The following CCDC150 variants were observed in gnomAD, a reference collection of about 807,000 sequenced individuals.
CCDC150 encodes coiled-coil domain-containing protein 150.
In CCDC150, 151 loss-of-function variants were observed where a neutral mutation model predicts 156.5. That is an observed-to-expected ratio of 0.97 (90% CI 0.85 to 1.10). The LOEUF (loss-of-function observed/expected upper bound fraction) is 1.10. CCDC150 is among the 50% of genes least tolerant of loss of function. The pLI, the probability that CCDC150 is intolerant of heterozygous loss-of-function variation, is 0.00. For missense variants in CCDC150, 1,312 were observed against 1,268.1 expected (o/e 1.03, Z -0.53); for synonymous variants, 452 against 429.4 (o/e 1.05, Z -0.65).
chr2:196,682,881 T>TTC (rs1338064590), intron 13 of CCDC150, among the ~76,000 whole-genome samples: 1 of 152,044 alleles, frequency 6.6e-6, no homozygotes, highest in African/African-American at 2.4e-5. Context: ...ATAGAGATAG[T>TTC]TATTTTTTGT....
chr2:196,659,222 T>G (rs1487344161), intron 5 of CCDC150, among the ~76,000 whole-genome samples: 2 of 152,220 alleles, frequency 1.3e-5, no homozygotes, highest in Non-Finnish European at 2.9e-5. Flanking sequence ...TCTGTTCATC[T>G]AATTTTACCT....
intron 6 of CCDC150, 77 bp from the exon 7 acceptor site, chr2:196,666,642 C>A: frequency 1.6e-6 from 2 of 1,227,464 alleles, no homozygotes; most frequent in Non-Finnish European, 2.3e-6. Flanking sequence ...TGGAATGTTG[C>A]CTTATACATG....
chr2:196,665,790 A>G, intron 6 of CCDC150, 107 bp downstream of exon 6: 1 of 592,166 alleles, frequency 1.7e-6, no homozygotes, highest in Non-Finnish European at 2.8e-6. Context: ...GATTTATTAA[A>G]ATATTTACTT....
intron 15 of CCDC150, among the ~76,000 whole-genome samples, chr2:196,703,082 A>G (rs995338745): frequency 2.0e-5 from 3 of 152,242 alleles, no homozygotes. Flanking sequence ...CTACCTCTCA[A>G]CATTTAATTA....
intron 5 of CCDC150, among the ~76,000 whole-genome samples, chr2:196,663,430 G>A (rs996637317): frequency 4.6e-5 from 7 of 152,092 alleles, no homozygotes; most frequent in African/African-American, 7.2e-5. Flanking sequence ...GATCAGAAGA[G>A]ATTTAAGAAA....
chr2:196,693,256 T>C (rs1490605472), intron 13 of CCDC150, among the ~76,000 whole-genome samples: 2 of 152,228 alleles, frequency 1.3e-5, no homozygotes, highest in Admixed American at 6.5e-5. Context: ...GGTCCGTCAT[T>C]GACTGAAACA....
At chr2:196,646,580 G>C in intron 2 of CCDC150, 76 bp downstream of exon 2, 4 of 1,031,694 alleles carry the variant, frequency 3.9e-6, no homozygotes, top group Non-Finnish European at 5.9e-6. Context: ...TAGTTTGGCA[G>C]ATGAGATGGA....
In CCDC150 at chr2:196,724,351, A is replaced by G. The variant is rs997809336; in HGVS notation, c.2430-1622A>G. On this transcript the variant is annotated intron_variant, in intron 21 of 27. Coordinates refer to ENST00000389175, the MANE Select transcript of CCDC150 (RefSeq NM_001080539.2). ...GGCTCAGGGCAGAGGTAGAGACTTG[A>G]GAGAAATTTTAAAATTAAAAATTAA... Among the ~76,000 whole-genome samples, 98 of 152,186 alleles carry G rather than the reference A, an allele frequency of 6.4e-4. 1 individual carries two copies. Among genetic ancestry groups the G allele is most frequent in the Non-Finnish European group, 1.8e-4 (12 of 68,034 alleles).
At position 196,721,684 on chromosome 2, in the gene CCDC150, A is replaced by G; in HGVS notation, c.2422A>G (p.Thr808Ala). 6.3e-7 allele frequency: 1 copy of G among 1,593,624 alleles called. No individual in the cohort carries two copies. The highest frequency in any genetic ancestry group is 1.2e-5 in the South Asian group (1 of 86,138). Residue 808 changes from threonine (T) to alanine (A), a missense_variant, in exon 21 of 28, where the codon ACC becomes GCC. Transcript: ENST00000389175. ...AGAACTTGAGCGACAGAATTTGGAA[A>G]CCTTCAAGTAAGAGCATTATAGTTG... ...SKELERQNLE[T>A]FKDRMTEESK...
chr2:196,692,171 A>G (rs1314830711), intron 13 of CCDC150, among the ~76,000 whole-genome samples: 3 of 118,504 alleles, frequency 2.5e-5, no homozygotes, highest in Admixed American at 1.1e-4. Context: ...TCTGTCGCCC[A>G]GGCCGGACTG....
Position 196,674,328 on chromosome 2 carries a change from G to C in CCDC150, c.1117G>C (p.Asp373His). The change falls in exon 10 of 28, where the codon GAC becomes CAC. Residue 373 changes from aspartate (D) to histidine (H), a missense_variant. Asp to His is a moderately conservative substitution (Grantham distance 81). Transcript: ENST00000389175. ...VTMEKARIIA[D>H]HQAILQVEQK... Reference sequence around the variant, plus strand: ...TATGGAAAAAGCCAGAATCATTGCTGACCATCAGGCCATTCTGCAGGTATT... The same window carrying C: ...TATGGAAAAAGCCAGAATCATTGCTCACCATCAGGCCATTCTGCAGGTATT... The C allele has an allele frequency of 6.2e-7, 1 of 1,600,584 alleles. No individual in the cohort carries two copies. The highest frequency in any genetic ancestry group is 8.5e-7 in the Non-Finnish European group (1 of 1,172,944).
intron 2 of CCDC150, among the ~76,000 whole-genome samples, chr2:196,649,712 C>A (rs1041176642): frequency 2.0e-5 from 3 of 152,128 alleles, no homozygotes; most frequent in African/African-American, 7.2e-5. Flanking sequence ...TTGTACAGAT[C>A]TTTCACCTCC....
chr2:196,709,571 G>A (rs536110039), intron 15 of CCDC150, among the ~76,000 whole-genome samples: 2 of 152,108 alleles, frequency 1.3e-5, no homozygotes, highest in Non-Finnish European at 1.5e-5. Context: ...GTGATCCTTT[G>A]GGGGAGAAGA....
At chr2:196,695,012 A>T (rs1479982380) in intron 13 of CCDC150, 34 bp from the exon 14 acceptor site, 1 of 1,139,574 alleles carries the variant, frequency 8.8e-7, no homozygotes, top group Non-Finnish European at 1.3e-6. Flanking sequence ...CATCTGGCGT[A>T]AATAGTTTCT....
chr2:196,703,456 A>G (rs1204953473), intron 15 of CCDC150, among the ~76,000 whole-genome samples: 1 of 152,162 alleles, frequency 6.6e-6, no homozygotes, highest in African/African-American at 2.4e-5. Flanking sequence ...AAAGATCTTA[A>G]TTTTCTTGAG....
intron 13 of CCDC150, among the ~76,000 whole-genome samples, chr2:196,683,884 G>A (rs907045461): frequency 1.3e-5 from 2 of 151,856 alleles, no homozygotes; most frequent in Admixed American, 1.3e-4. Context: ...AATAATTTGT[G>A]TCTCCTGTAT....
intron 13 of CCDC150, among the ~76,000 whole-genome samples, chr2:196,681,112 A>G (rs1694790930): frequency 1.3e-5 from 2 of 152,076 alleles, no homozygotes; most frequent in Non-Finnish European, 2.9e-5. Context: ...GTCACTCCCC[A>G]TTCCCTCCTT....
intron 5 of CCDC150, among the ~76,000 whole-genome samples, chr2:196,661,169 G>T (rs544636499): frequency 1.3e-5 from 2 of 152,192 alleles, no homozygotes; most frequent in Non-Finnish European, 2.9e-5. Flanking sequence ...TCAAAGACTT[G>T]CAGAAGTACT....
At position 196,676,571 on chromosome 2, in the gene CCDC150, A is replaced by G. The variant is rs181120650; in HGVS notation, c.1280A>G (p.Glu427Gly). The change falls in exon 12 of 28, where the codon GAG (glutamate) becomes GGG (glycine). Residue 427 changes from glutamate (E) to glycine (G), a missense_variant. By Grantham distance (98) the Glu-to-Gly change is moderately conservative (BLOSUM62 -2). Transcript: ENST00000389175. ...LQAHLDHLIL[E>G]HNQCIQKAQD... ...TCCTGCAGGGATCATTTAATCCTTG[A>G]GCATAACCAGTGTATCCAGAAAGCA... 6.2e-7 allele frequency: 1 copy of G among 1,613,132 alleles called. No homozygotes were observed. Among genetic ancestry groups the G allele is most frequent in the East Asian group, 2.2e-5 (1 of 44,854 alleles).
Sources: gnomAD v4.1 joint callset for allele counts (sites outside exome capture counted in the v4.1 genomes callset) on GRCh38, gnomAD v4.1.1 for gene constraint, MANE v1.5 for transcripts, NCBI Gene and HGNC (gene_info 2026-07-23, HGNC 2026-07-21) for gene names.